SEMA6D: variants seen among roughly 807,000 people sequenced by gnomAD.
The protein encoded by SEMA6D is semaphorin 6D, also known as semaphorin-6D.
SEMA6D carries 35 observed loss-of-function variants against 106.6 expected under a neutral mutation model. That is an observed-to-expected ratio of 0.33 (90% CI 0.25 to 0.44). SEMA6D has a LOEUF of 0.44. Among genes scored for constraint, SEMA6D ranks in the 20% least tolerant of loss-of-function variants. SEMA6D has a pLI of 1.00. For synonymous variants in SEMA6D, 499 were observed against 487.7 expected (o/e 1.02, Z -0.31); for missense variants, 1,185 against 1,345.9 (o/e 0.88, Z 1.87).
intron 3 of SEMA6D, among the ~76,000 whole-genome samples, chr15:47,494,892 A>G (rs2043604271): frequency 6.7e-6 from 1 of 149,528 alleles, no homozygotes; most frequent in African/African-American, 2.5e-5. Context: ...TAGCATTTAT[A>G]TTTGCATTTA....
Position 47,546,787 on chromosome 15 carries a change from G to T in SEMA6D, c.-86-54078G>T, listed in dbSNP as rs575335338. On this transcript the variant is annotated intron_variant, in intron 3 of 19. Coordinates refer to the SEMA6D transcript ENST00000558014. ...CCATTCATATTCAGGTTTCCCTGGAGATCAACCATAGCTACCTTCCAGTAA... is the reference window on the plus strand; with the variant it reads ...CCATTCATATTCAGGTTTCCCTGGATATCAACCATAGCTACCTTCCAGTAA... Among the ~76,000 whole-genome samples the T allele has an allele frequency of 2.6e-5, 4 of 152,020 alleles. No individual in the cohort carries two copies. In the South Asian group the frequency reaches 6.2e-4, roughly 24 times the overall value.
At chr15:47,759,713 A>G (rs117472544) in intron 1 of SEMA6D, 32 bp from the exon 2 acceptor site, 2 of 933,048 alleles carry the variant, frequency 2.1e-6, no homozygotes, top group East Asian at 2.4e-5. Context: ...ATTGCAGCAT[A>G]GAGATCTTTC....
intron 4 of SEMA6D, among the ~76,000 whole-genome samples, chr15:47,667,424 C>T (rs1055822260): frequency 1.7e-4 from 26 of 152,236 alleles, no homozygotes; most frequent in African/African-American, 5.3e-4. Flanking sequence ...AGAGGGCAGC[C>T]GACTTGGGCT....
At chr15:47,233,337 C>CT (rs1404716460) in intron 1 of SEMA6D, among the ~76,000 whole-genome samples, 1 of 151,992 alleles carries the variant, frequency 6.6e-6, no homozygotes, top group African/African-American at 2.4e-5. Context: ...GATCACTGTA[C>CT]TTTCGCAATA....
At position 47,529,072 on chromosome 15, in the gene SEMA6D, CAT is replaced by C. The variant is rs376289502; in HGVS notation, c.-87+58528_-87+58529del. ...ATAACATAAATAGTTGATTAACACA[CAT>C]GTTTATGTTATATTATTATATACCT... is the stretch of plus-strand genomic sequence containing the variant. On this transcript the variant is annotated intron_variant, in intron 3 of 19. Transcript: ENST00000558014. 4.9e-3 allele frequency among the ~76,000 whole-genome samples: 752 copies of C among 152,150 alleles called. 8 individuals carry two copies. The highest frequency in any genetic ancestry group is 0.016 in the African/African-American group (673 of 41,496).
intron 3 of SEMA6D, among the ~76,000 whole-genome samples, chr15:47,578,125 G>A (rs1204129027): frequency 1.3e-5 from 2 of 152,172 alleles, no homozygotes; most frequent in Admixed American, 6.5e-5. Flanking sequence ...GAGGTCACTT[G>A]CCCATGGTTT....
chr15:47,541,278 T>TA (rs2045345134), intron 3 of SEMA6D, among the ~76,000 whole-genome samples: 1 of 152,160 alleles, frequency 6.6e-6, no homozygotes, highest in Admixed American at 6.5e-5. Context: ...TCCACTACAC[T>TA]AAAAAATCAA....
chr15:47,711,045 C>A (rs1159060783), intron 4 of SEMA6D, among the ~76,000 whole-genome samples: 1 of 151,950 alleles, frequency 6.6e-6, no homozygotes, highest in Non-Finnish European at 1.5e-5. Context: ...CGCGGTGGCT[C>A]ACGCCTGTAA....
chr15:47,308,713 A>G (rs2036326211), intron 1 of SEMA6D, among the ~76,000 whole-genome samples: 2 of 152,178 alleles, frequency 1.3e-5, no homozygotes, highest in Admixed American at 6.5e-5. Context: ...TCACTGACAG[A>G]AAGTTGAAAT....
In SEMA6D at chr15:47,391,504, C is replaced by G. The variant is rs1167198381; in HGVS notation, c.-238-20889C>G. On this transcript the variant is annotated intron_variant, in intron 1 of 19. Coordinates refer to the SEMA6D transcript ENST00000558014. ...TCAAGCAGACTGAGGAGAGGTGACT[C>G]TGTCTAACTGGAGTACTTCGGTTTC... Among the ~76,000 whole-genome samples the G allele has an allele frequency of 2.6e-5, 4 of 152,104 alleles. No individual in the cohort carries two copies. In the East Asian group the frequency reaches 7.7e-4, roughly 29 times the overall value.
chr15:47,520,216 A>G (rs2044526454), intron 3 of SEMA6D, among the ~76,000 whole-genome samples: 1 of 152,230 alleles, frequency 6.6e-6, no homozygotes, highest in South Asian at 2.1e-4. Flanking sequence ...TGGTTTTAAA[A>G]TACTTTAAGA....
At chr15:47,499,464 A>G (rs1235487113) in intron 3 of SEMA6D, among the ~76,000 whole-genome samples, 2 of 152,178 alleles carry the variant, frequency 1.3e-5, no homozygotes, top group Non-Finnish European at 2.9e-5. Context: ...ATTAATTCAT[A>G]ACTTCATAAA....
intron 1 of SEMA6D, among the ~76,000 whole-genome samples, chr15:47,410,199 G>A (rs1031320390): frequency 6.6e-6 from 1 of 151,956 alleles, no homozygotes; most frequent in Non-Finnish European, 1.5e-5. Context: ...GCCCAAGCTG[G>A]TCTTGAATTC....
intron 1 of SEMA6D, among the ~76,000 whole-genome samples, chr15:47,209,049 T>C (rs1386202219): frequency 6.6e-6 from 1 of 152,230 alleles, no homozygotes; most frequent in Non-Finnish European, 1.5e-5. Flanking sequence ...TTCTTTGTTT[T>C]CTGCAATAGC....
chr15:47,246,723 A>T (rs1566948896), intron 1 of SEMA6D, among the ~76,000 whole-genome samples: 1 of 152,186 alleles, frequency 6.6e-6, no homozygotes, highest in Non-Finnish European at 1.5e-5. Context: ...CCACCCAGAT[A>T]ATCTAGAATA....
intron 1 of SEMA6D, among the ~76,000 whole-genome samples, chr15:47,373,641 A>G (rs749736743): frequency 2.6e-5 from 4 of 152,212 alleles, no homozygotes; most frequent in Non-Finnish European, 4.4e-5. Context: ...TGAGACGTCC[A>G]TATGTGATGA....
intron 1 of SEMA6D, among the ~76,000 whole-genome samples, chr15:47,343,420 C>A (rs1158678777): frequency 6.6e-6 from 1 of 151,520 alleles, no homozygotes; most frequent in Non-Finnish European, 1.5e-5. Flanking sequence ...CCCCACCCCA[C>A]AACAGTCCCC....
chr15:47,764,198 A>G lies in SEMA6D; in HGVS notation c.990A>G (p.Ala330=). The part of the protein sequence containing the change: ...LNSIPGSAVC[A]FSMDDIEKVF... ...GCATCCCTGGTTCTGCTGTCTGTGC[A>G]TTTAGCATGGATGACATTGAAAAAG... The change falls in exon 11 of 19, where the codon GCA becomes GCG. Residue 330 remains alanine, a synonymous_variant. Transcript: ENST00000536845. The G allele has an allele frequency of 6.2e-7, 1 of 1,613,798 alleles. No individual in the cohort carries two copies. Among genetic ancestry groups the G allele is most frequent in the Non-Finnish European group, 8.5e-7 (1 of 1,179,800 alleles).
chr15:47,342,062 A>G (rs568121694), intron 1 of SEMA6D, among the ~76,000 whole-genome samples: 135 of 152,010 alleles, frequency 8.9e-4, no homozygotes, highest in African/African-American at 3.1e-3. Flanking sequence ...TTTCAATAAA[A>G]TCCAAAAGGA....
Sources: gnomAD v4.1 joint callset for allele counts (sites outside exome capture counted in the v4.1 genomes callset) on GRCh38, gnomAD v4.1.1 for gene constraint, MANE v1.5 for transcripts, NCBI Gene and HGNC (gene_info 2026-07-23, HGNC 2026-07-21) for gene names.